Variants in DCC observed in about 807,000 individuals in gnomAD.
The protein encoded by DCC is netrin receptor DCC.
DCC carries 58 observed loss-of-function variants against 172.5 expected under a neutral mutation model. The ratio of observed to expected loss-of-function variants is 0.34; its 90% CI spans 0.27 to 0.42. The LOEUF is 0.42. Ranked by LOEUF, DCC falls within the 10% of genes least tolerant of loss-of-function variation. The probability of loss-of-function intolerance (pLI) is 1.00; values close to 1 mark genes in which losing one functional copy is unlikely to be tolerated. For missense variants in DCC, 1,740 were observed against 1,791.0 expected (o/e 0.97, Z 0.51); for synonymous variants, 709 against 644.5 (o/e 1.10, Z -1.52).
rs138809143 is a variant in DCC at position 52,952,742 on chromosome 18, A to G, written c.985+27372A>G. Among the ~76,000 whole-genome samples the G allele has an allele frequency of 5.0e-3, 764 of 152,244 alleles. 6 individuals carry two copies. The highest frequency in any genetic ancestry group is 0.018 in the African/African-American group (732 of 41,546). On this transcript the variant is annotated intron_variant, in intron 5 of 28. Transcript: ENST00000442544. The stretch of plus-strand genomic sequence containing the variant: ...AGGCTGGGCATGGTTGTTCGTGCCT[A>G]TAATCCCAGTGCTTTGGGAGATCGA...
chr18:53,517,440 A>T (rs975853834), intron 27 of DCC, among the ~76,000 whole-genome samples: 33 of 128,666 alleles, frequency 2.6e-4, no homozygotes, highest in African/African-American at 5.3e-4. Context: ...CTAAAACTTA[A>T]AATATAATAA....
chr18:52,929,860 A>T (rs910350939), intron 5 of DCC, among the ~76,000 whole-genome samples: 1 of 124,866 alleles, frequency 8.0e-6, no homozygotes, highest in Non-Finnish European at 1.8e-5. Flanking sequence ...ACACACACAC[A>T]CACTCACGTT....
chr18:52,695,501 C>A (rs2035998257), intron 1 of DCC, among the ~76,000 whole-genome samples: 1 of 152,132 alleles, frequency 6.6e-6, no homozygotes. Flanking sequence ...AATATGAGAA[C>A]TTAAAGGAAT....
At chr18:53,328,604 G>T (rs1322046043) in intron 14 of DCC, among the ~76,000 whole-genome samples, 3 of 151,534 alleles carry the variant, frequency 2.0e-5, no homozygotes, top group Non-Finnish European at 4.4e-5. Flanking sequence ...GTGTGATCTC[G>T]GCTCACTGCA....
At chr18:52,994,207 C>A (rs1308396676) in intron 5 of DCC, among the ~76,000 whole-genome samples, 1 of 152,010 alleles carries the variant, frequency 6.6e-6, no homozygotes, top group African/African-American at 2.4e-5. Context: ...TTTCTCCTTA[C>A]CAGTTGAATT....
intron 1 of DCC, among the ~76,000 whole-genome samples, chr18:52,533,018 A>C (rs949343094): frequency 6.6e-6 from 1 of 152,148 alleles, no homozygotes; most frequent in African/African-American, 2.4e-5. Flanking sequence ...ACGATTCTGG[A>C]CATTTTATAT....
At chr18:52,789,613 C>T (rs1276015664) in intron 2 of DCC, among the ~76,000 whole-genome samples, 1 of 152,154 alleles carries the variant, frequency 6.6e-6, no homozygotes, top group Non-Finnish European at 1.5e-5. Flanking sequence ...ACAGGTGAAA[C>T]CAACAAGCCT....
intron 2 of DCC, among the ~76,000 whole-genome samples, chr18:52,801,448 G>A (rs1419784538): frequency 2.0e-5 from 3 of 149,748 alleles, no homozygotes; most frequent in Non-Finnish European, 3.0e-5. Flanking sequence ...CTTTATGGGT[G>A]AAAAAAAAAT....
intron 7 of DCC, among the ~76,000 whole-genome samples, chr18:53,124,705 C>G (rs1302172871): frequency 6.6e-6 from 1 of 152,064 alleles, no homozygotes; most frequent in Non-Finnish European, 1.5e-5. Context: ...CAGGCTCATT[C>G]CTGTAATCCC....
At chr18:52,957,143 G>T (rs1239211555) in intron 5 of DCC, among the ~76,000 whole-genome samples, 1 of 152,038 alleles carries the variant, frequency 6.6e-6, no homozygotes, top group Admixed American at 6.6e-5. Flanking sequence ...AAATTAAAAG[G>T]TTTGCTAGTT....
chr18:52,933,345 T>C (rs1943131), intron 5 of DCC, among the ~76,000 whole-genome samples: 13,094 of 150,896 alleles, frequency 0.087, 946 homozygotes, highest in East Asian at 0.31. Context: ...GCCGAAGAGC[T>C]GTTGAGAAAG....
chr18:52,468,232 G>A (rs1005075505), intron 1 of DCC, among the ~76,000 whole-genome samples: 1 of 152,164 alleles, frequency 6.6e-6, no homozygotes, highest in Non-Finnish European at 1.5e-5. Context: ...AGATAAAACA[G>A]AATACAGAGC....
intron 15 of DCC, among the ~76,000 whole-genome samples, chr18:53,354,159 T>C (rs2057849034): frequency 6.6e-6 from 1 of 152,352 alleles, no homozygotes; most frequent in Non-Finnish European, 1.5e-5. Context: ...ATCCATTCTA[T>C]CATTGATGGA....
chr18:53,296,766 C>A (rs530677386), intron 12 of DCC, among the ~76,000 whole-genome samples: 5 of 152,278 alleles, frequency 3.3e-5, no homozygotes, highest in Admixed American at 3.3e-4. Flanking sequence ...ACTCTGAAAG[C>A]AACTTCCTGT....
chr18:52,343,509 TAG>T (rs558960542), intron 1 of DCC, among the ~76,000 whole-genome samples: 22 of 152,166 alleles, frequency 1.4e-4, no homozygotes, highest in Non-Finnish European at 3.2e-4. Context: ...AAAGTGTCAG[TAG>T]AGAGTGAGGA....
intron 7 of DCC, among the ~76,000 whole-genome samples, chr18:53,083,502 T>C (rs1238030478): frequency 6.6e-6 from 1 of 152,158 alleles, no homozygotes; most frequent in Non-Finnish European, 1.5e-5. Flanking sequence ...ATTTGTTAGA[T>C]TCATCTAAGG....
rs570068919 is a variant in DCC, at chr18:52,599,169, T to A, written c.92-152885T>A. Among the ~76,000 whole-genome samples, 4 of 152,280 alleles carry A rather than the reference T, an allele frequency of 2.6e-5. 1 individual carries two copies. Among genetic ancestry groups the A allele is most frequent in the African/African-American group, 9.6e-5 (4 of 41,550 alleles). On this transcript the variant is annotated intron_variant, in intron 1 of 28. Coordinates refer to ENST00000442544, the MANE Select transcript of DCC (RefSeq NM_005215.4). Reference sequence around the variant, plus strand: ...AATACTGGAGCCAGGGAGACCGTTTTACAGTAATCTATCTGGGAGATAGAT... The same window carrying A: ...AATACTGGAGCCAGGGAGACCGTTTAACAGTAATCTATCTGGGAGATAGAT...
intron 3 of DCC, among the ~76,000 whole-genome samples, chr18:52,915,489 C>A (rs1452761943): frequency 3.9e-5 from 6 of 152,048 alleles, no homozygotes; most frequent in African/African-American, 7.2e-5. Context: ...AATGTTTTAA[C>A]CTTTTTTAAA....
chr18:52,857,323 A>G (rs942064284), intron 2 of DCC, among the ~76,000 whole-genome samples: 6 of 152,232 alleles, frequency 3.9e-5, no homozygotes, highest in Admixed American at 3.9e-4. Context: ...AGCATTAATG[A>G]GCTCACTCCA....
Sources: allele counts gnomAD v4.1 joint callset (sites outside exome capture counted in the v4.1 genomes callset), GRCh38; gene constraint gnomAD v4.1.1; transcripts MANE v1.5; gene names NCBI Gene and HGNC (gene_info 2026-07-23, HGNC 2026-07-21).